The following HERPUD1 variants were observed in gnomAD, a reference collection of about 807,000 sequenced individuals.
The protein encoded by HERPUD1 is homocysteine-responsive endoplasmic reticulum-resident ubiquitin-like domain member 1 protein.
In HERPUD1, 17 loss-of-function variants were observed where a neutral mutation model predicts 45.0. The observed-to-expected ratio is 0.38, with a 90% CI of 0.26 to 0.57. The LOEUF is 0.57. HERPUD1 is among the 20% of genes least tolerant of loss of function. The pLI is 0.72. For synonymous variants in HERPUD1, 164 were observed against 177.5 expected, an observed-to-expected ratio of 0.92 and a Z score of 0.61; for missense variants, 420 against 490.5, an observed-to-expected ratio of 0.86 and a Z score of 1.36.
chr16:56,937,010 C>T (rs950014998), intron 4 of HERPUD1, 193 bp downstream of exon 4: 1 of 408,914 alleles, frequency 2.4e-6, no homozygotes, highest in African/African-American at 2.1e-5. Flanking sequence ...TTAGTACACA[C>T]AAATTTAAAA....
At chr16:56,942,574 C>G (rs1194948454) in intron 7 of HERPUD1, among the ~76,000 whole-genome samples, 2 of 152,102 alleles carry the variant, frequency 1.3e-5, no homozygotes, top group African/African-American at 4.8e-5. Context: ...ATAGTTGAAG[C>G]CTGGGCGTGG....
Position 56,943,323 on chromosome 16 carries a change from A to G in HERPUD1, c.*33A>G, listed in dbSNP as rs372594640. On this transcript the variant is annotated 3_prime_UTR_variant, in exon 8 of 8. Transcript: ENST00000439977. ...TGTGCTGTAGCTGTTGGAGGCTTTG[A>G]CAGGAATGGACTGGATCACCTGACT... The G allele has an allele frequency of 1.4e-5, 22 of 1,612,744 alleles. No individual in the cohort carries two copies. The highest frequency in any genetic ancestry group is 1.9e-5 in the Non-Finnish European group (22 of 1,178,834).
At chr16:56,937,497 C>G (rs1482542726) in intron 4 of HERPUD1, 1 of 151,926 alleles carries the variant, frequency 6.6e-6, no homozygotes, top group Non-Finnish European at 1.5e-5. Flanking sequence ...TCCTTTTCCC[C>G]CTTAATGGAA....
intron 1 of HERPUD1, chr16:56,933,184 C>T (rs1490846579): frequency 1.1e-5 from 5 of 445,718 alleles, no homozygotes; most frequent in African/African-American, 1.0e-4. Context: ...GTGTTCTTCA[C>T]TGCCCACGAG....
chr16:56,934,212 G>C (rs1357376901), intron 1 of HERPUD1, among the ~76,000 whole-genome samples: 1 of 152,108 alleles, frequency 6.6e-6, no homozygotes, highest in Non-Finnish European at 1.5e-5. Context: ...TATTATTTGA[G>C]GCCATTATTT....
intron 4 of HERPUD1, 191 bp downstream of exon 4, chr16:56,937,008 C>A: frequency 1.4e-5 from 6 of 431,068 alleles, no homozygotes; most frequent in South Asian, 4.9e-5. Context: ...TTTTAGTACA[C>A]ACAAATTTAA....
chr16:56,939,948 A>G lies in HERPUD1; in HGVS notation c.608A>G (p.Glu203Gly). ...GAFVPPPSAQ[E>G]IPVVSAPAPA... Reference sequence around the variant, plus strand: ...TTTGTTCCACCACCAAGTGCACAAGAGATACCTGTGGTCTCTGCACCTGCT... The same window carrying G: ...TTTGTTCCACCACCAAGTGCACAAGGGATACCTGTGGTCTCTGCACCTGCT... The change falls in exon 6 of 8, where the codon GAG becomes GGG. Residue 203 changes from glutamate (E) to glycine (G), a missense_variant. Coordinates refer to ENST00000439977, the MANE Select transcript of HERPUD1 (RefSeq NM_014685.4). The G allele has an allele frequency of 6.2e-7, 1 of 1,614,172 alleles. No homozygotes were observed.
Position 56,943,110 on chromosome 16 carries a change from G to A in HERPUD1, c.1012-16G>A, listed in dbSNP as rs2055923560. Reference sequence around the variant, plus strand: ...TTTCTCATTGTTTCATTACCTCATTGTTTCATTACCTGTAGGAAGGCACTG... The same window carrying A: ...TTTCTCATTGTTTCATTACCTCATTATTTCATTACCTGTAGGAAGGCACTG... On this transcript the variant is annotated splice_polypyrimidine_tract_variant and intron_variant, in intron 7 of 7. Coordinates refer to ENST00000439977, the MANE Select transcript of HERPUD1 (RefSeq NM_014685.4). 1 of 1,610,956 alleles carries A rather than the reference G, an allele frequency of 6.2e-7. No individual in the cohort carries two copies. Among genetic ancestry groups the A allele is most frequent in the Non-Finnish European group, 8.5e-7 (1 of 1,177,450 alleles).
At chr16:56,936,510 A>G (rs1289245701) in intron 3 of HERPUD1, 177 bp from the exon 4 acceptor site, 1 of 420,240 alleles carries the variant, frequency 2.4e-6, no homozygotes, top group East Asian at 3.7e-5. Context: ...TGTATTGAAA[A>G]TTATGTTGAA....
At chr16:56,933,157 T>C (rs367813990) in intron 1 of HERPUD1, 2 of 417,252 alleles carry the variant, frequency 4.8e-6, no homozygotes, top group African/African-American at 2.1e-5. Flanking sequence ...TGCTCTGATA[T>C]TATGTAAGTG....
intron 3 of HERPUD1, chr16:56,936,304 G>A (rs2055865920): frequency 6.5e-6 from 1 of 154,562 alleles, no homozygotes; most frequent in Non-Finnish European, 1.4e-5. Flanking sequence ...ATCATACCAA[G>A]GCTTACTTAT....
chr16:56,939,666 T>TA (rs1482845212), intron 5 of HERPUD1, among the ~76,000 whole-genome samples: 12 of 152,250 alleles, frequency 7.9e-5, no homozygotes, highest in African/African-American at 2.9e-4. Context: ...GCCATAATCT[T>TA]ACAGTGGGCT....
rs527424441 is a variant in HERPUD1 at position 56,936,780 on chromosome 16, C to T, written c.394C>T (p.Arg132Trp). Residue 132 changes from arginine to tryptophan, a missense_variant, in exon 4 of 8, where the codon CGG becomes TGG. Transcript: ENST00000439977. ...SDGLRQREVL[R>W]NLSSPGWENI... ...TGGTTTAAGGCAAAGGGAAGTTCTT[C>T]GGAACCTTTCTTCCCCTGGATGGGA... 8.4e-5 allele frequency: 136 copies of T among 1,613,924 alleles called. No homozygotes were observed. In the Middle Eastern group the frequency reaches 2.0e-3, roughly 23 times the overall value.
At chr16:56,934,394 C>T (rs189890019) in intron 1 of HERPUD1, among the ~76,000 whole-genome samples, 1 of 152,232 alleles carries the variant, frequency 6.6e-6, no homozygotes, top group Admixed American at 6.5e-5. Flanking sequence ...GACTTTCCTC[C>T]CTTAAAATAG....
chr16:56,943,692 A>G lies in HERPUD1; in HGVS notation c.*402A>G. ...TGATTCCTGTTGGAATGTTTAAATT[A>G]CACTAAGTGTACTACTTTATATAAT... On this transcript the variant is annotated 3_prime_UTR_variant, in exon 8 of 8. Transcript: ENST00000439977. 2.8e-6 allele frequency: 1 copy of G among 359,642 alleles called. No homozygotes were observed. The highest frequency in any genetic ancestry group is 3.6e-5 in the South Asian group (1 of 27,942). 22.3% of individuals were successfully genotyped at this position (359,642 alleles called of 1,614,324 possible).
intron 1 of HERPUD1, 128 bp downstream of exon 1, chr16:56,932,519 C>T: frequency 1.1e-6 from 1 of 874,872 alleles, no homozygotes; most frequent in Non-Finnish European, 1.7e-6. Flanking sequence ...CCGGTCACCT[C>T]CCCCAGGGCT....
At position 56,939,295 on chromosome 16, in the gene HERPUD1, C is replaced by A. The variant is rs773297720; in HGVS notation, c.490C>A (p.Pro164Thr). 6.2e-6 allele frequency: 10 copies of A among 1,614,220 alleles called. No homozygotes were observed. The South Asian group carries it at 9.9e-5, about 16-fold the overall frequency. Residue 164 changes from proline (P) to threonine (T), a missense_variant, in exon 5 of 8, where the codon CCC becomes ACC. By Grantham distance (38) the Pro-to-Thr change is conservative. Transcript: ENST00000439977. ...GLGPGFSGYT[P>T]YGWLQLSWFQ... The stretch of plus-strand genomic sequence containing the variant: ...GGGTCCTGGTTTCTCCGGTTACACA[C>A]CCTATGGGTGGCTTCAGCTTTCCTG...
Position 56,943,678 on chromosome 16 carries a change from G to T in HERPUD1, c.*388G>T. ...CTGCTGGTACGATTTGATTCCTGTT[G>T]GAATGTTTAAATTACACTAAGTGTA... is the stretch of plus-strand genomic sequence containing the variant. On this transcript the variant is annotated 3_prime_UTR_variant, in exon 8 of 8. Transcript: ENST00000439977. 2 of 368,298 alleles carry T rather than the reference G, an allele frequency of 5.4e-6. No individual in the cohort carries two copies. Among genetic ancestry groups the T allele is most frequent in the South Asian group, 3.4e-5 (1 of 29,154 alleles). 22.8% of individuals were successfully genotyped at this position (368,298 alleles called of 1,614,324 possible). A position where few individuals can be genotyped will look rare whatever the true frequency, so the allele number is the denominator to read the frequency against.
Position 56,943,308 on chromosome 16 carries a change from C to T in HERPUD1, c.*18C>T. 2 of 1,613,992 alleles carry T rather than the reference C, an allele frequency of 1.2e-6. No homozygotes were observed. Among genetic ancestry groups the T allele is most frequent in the Non-Finnish European group, 8.5e-7 (1 of 1,179,922 alleles). ...CAAACTGATGGTGTTTGTGCTGTAG[C>T]TGTTGGAGGCTTTGACAGGAATGGA... On this transcript the variant is annotated 3_prime_UTR_variant, in exon 8 of 8. Coordinates refer to ENST00000439977, the MANE Select transcript of HERPUD1 (RefSeq NM_014685.4).
Sources: allele counts gnomAD v4.1 joint callset (sites outside exome capture counted in the v4.1 genomes callset), GRCh38; gene constraint gnomAD v4.1.1; transcripts MANE v1.5; gene names NCBI Gene and HGNC (gene_info 2026-07-23, HGNC 2026-07-21).